EPHA3: variants seen among roughly 807,000 people sequenced by gnomAD.
The protein encoded by EPHA3 is ephrin type-A receptor 3.
A neutral mutation model predicts 107.1 loss-of-function variants in EPHA3; 42 were observed. The ratio of observed to expected loss-of-function variants is 0.39; its 90% CI spans 0.31 to 0.51. The LOEUF (loss-of-function observed/expected upper bound fraction) is 0.51. Ranked by LOEUF, EPHA3 falls within the 20% of genes least tolerant of loss-of-function variation. The probability of loss-of-function intolerance (pLI) is 0.78; values close to 1 mark genes in which losing one functional copy is unlikely to be tolerated. For synonymous variants in EPHA3, 461 were observed against 424.8 expected (o/e 1.09, Z -1.05); for missense variants, 1,183 against 1,211.2 (o/e 0.98, Z 0.35).
intron 15 of EPHA3, among the ~76,000 whole-genome samples, chr3:89,459,439 CTTTCTCTTTCT>C (rs1055754390): frequency 6.6e-6 from 1 of 151,544 alleles, no homozygotes; most frequent in Non-Finnish European, 1.5e-5. Flanking sequence ...TTCTTTCTTT[CTTTCTCTTTCT>C]TTCTTCCCTT....
intron 2 of EPHA3, among the ~76,000 whole-genome samples, chr3:89,132,705 C>T (rs1440838560): frequency 3.3e-5 from 5 of 152,100 alleles, no homozygotes; most frequent in Admixed American, 3.3e-4. Context: ...AACACCCCAT[C>T]TCCAATCAAT....
intron 11 of EPHA3, among the ~76,000 whole-genome samples, chr3:89,423,751 T>C (rs763027614): frequency 1.4e-4 from 21 of 151,548 alleles, no homozygotes; most frequent in Non-Finnish European, 2.2e-4. Context: ...TGTCCACTTA[T>C]GTCCCTTGGA....
intron 5 of EPHA3, among the ~76,000 whole-genome samples, chr3:89,349,446 T>A (rs1314659953): frequency 7.1e-6 from 1 of 140,470 alleles, no homozygotes; most frequent in Admixed American, 7.0e-5. Flanking sequence ...AACCCCTGCC[T>A]TTTTTTGTTT....
chr3:89,367,094 C>A (rs1708200584), intron 5 of EPHA3, among the ~76,000 whole-genome samples: 1 of 150,542 alleles, frequency 6.6e-6, no homozygotes, highest in Non-Finnish European at 1.5e-5. Context: ...TACAAAGTAC[C>A]TTAATCCAAG....
intron 5 of EPHA3, among the ~76,000 whole-genome samples, chr3:89,361,729 A>G (rs1440807795): frequency 6.6e-6 from 1 of 150,918 alleles, no homozygotes; most frequent in African/African-American, 2.4e-5. Context: ...ACTCTCCTCT[A>G]TGCCCATTCT....
At chr3:89,224,531 A>G (rs73146369) in intron 3 of EPHA3, among the ~76,000 whole-genome samples, 56 of 152,282 alleles carry the variant, frequency 3.7e-4, no homozygotes, top group Non-Finnish European at 7.1e-4. Flanking sequence ...AATTTCTATT[A>G]AAGGTAGAGA....
intron 3 of EPHA3, among the ~76,000 whole-genome samples, chr3:89,251,478 A>G (rs374056567): frequency 1.8e-4 from 28 of 152,214 alleles, no homozygotes; most frequent in Middle Eastern, 3.4e-3. Flanking sequence ...TTATGAAAGC[A>G]TAGTATGTGT....
At chr3:89,479,094 G>C (rs922633828) in intron 16 of EPHA3, among the ~76,000 whole-genome samples, 2 of 152,180 alleles carry the variant, frequency 1.3e-5, no homozygotes, top group African/African-American at 4.8e-5. Context: ...CCCTAATCCA[G>C]TAAGATATTT....
At chr3:89,183,881 GTC>G (rs1705500691) in intron 2 of EPHA3, among the ~76,000 whole-genome samples, 1 of 151,870 alleles carries the variant, frequency 6.6e-6, no homozygotes, top group African/African-American at 2.4e-5. Context: ...AATTGTAAAA[GTC>G]TGTGAGATTT....
intron 11 of EPHA3, among the ~76,000 whole-genome samples, chr3:89,427,816 A>G (rs1400157407): frequency 1.3e-5 from 2 of 151,982 alleles, no homozygotes; most frequent in Non-Finnish European, 2.9e-5. Context: ...TGATATAACA[A>G]ATGTCAAGTA....
In EPHA3 at chr3:89,341,102, A is replaced by G. The variant is rs756997753; in HGVS notation, c.970+31A>G. The G allele has an allele frequency of 5.0e-6, 8 of 1,597,166 alleles. No homozygotes were observed. The South Asian group carries it at 9.0e-5, about 18-fold the overall frequency. ...TAGTTTTGCTGCAACCCATGCCTCC[A>G]TGTTTGTTTTGTTTTCTTCTTGTTA... On this transcript the variant is annotated intron_variant, in intron 4 of 16. Transcript: ENST00000336596.
chr3:89,190,667 C>T (rs1166266590), intron 2 of EPHA3, among the ~76,000 whole-genome samples: 1 of 152,048 alleles, frequency 6.6e-6, no homozygotes, highest in East Asian at 1.9e-4. Flanking sequence ...ATTTGAAACC[C>T]CAAAATAATA....
intron 5 of EPHA3, among the ~76,000 whole-genome samples, chr3:89,361,567 CATAA>C (rs371789668): frequency 6.6e-6 from 1 of 151,088 alleles, no homozygotes; most frequent in Non-Finnish European, 1.5e-5. Flanking sequence ...ACATTCCTAC[CATAA>C]ATAAGGATTT....
chr3:89,117,870 C>A (rs183218585), intron 1 of EPHA3, among the ~76,000 whole-genome samples: 8 of 152,172 alleles, frequency 5.3e-5, no homozygotes, highest in African/African-American at 2.4e-5. Context: ...ACTGAGATTT[C>A]TTTCCCCCTT....
At chr3:89,468,989 C>G (rs185479284) in intron 15 of EPHA3, among the ~76,000 whole-genome samples, 78 of 151,948 alleles carry the variant, frequency 5.1e-4, no homozygotes, top group Non-Finnish European at 8.7e-4. Flanking sequence ...AAGAAGATAA[C>G]TTATGAAATG....
In EPHA3 at chr3:89,162,458, T is replaced by G. The variant is rs182553301; in HGVS notation, c.153+35185T>G. ...TCTTTGAGGATCTGATTTCTGCTCA[T>G]TTTCTAAAATGTTCCTTCACTCAGT... On this transcript the variant is annotated intron_variant, in intron 2 of 16. Transcript: ENST00000336596. Among the ~76,000 whole-genome samples the G allele has an allele frequency of 3.1e-3, 470 of 152,326 alleles. 1 individual carries two copies. Among genetic ancestry groups the G allele is most frequent in the Admixed American group, 5.8e-3 (88 of 15,294 alleles).
intron 2 of EPHA3, among the ~76,000 whole-genome samples, chr3:89,147,473 G>A (rs1704588184): frequency 6.6e-6 from 1 of 151,882 alleles, no homozygotes; most frequent in Admixed American, 6.6e-5. Flanking sequence ...GAAGAAAAAG[G>A]AAATTTGTGC....
intron 2 of EPHA3, among the ~76,000 whole-genome samples, chr3:89,186,972 C>A (rs937274254): frequency 1.8e-4 from 27 of 151,916 alleles, no homozygotes; most frequent in Non-Finnish European, 3.8e-4. Flanking sequence ...ATGATGACTG[C>A]TTTTATGTTT....
intron 5 of EPHA3, among the ~76,000 whole-genome samples, chr3:89,368,322 G>A (rs1429063107): frequency 6.6e-6 from 1 of 150,408 alleles, no homozygotes; most frequent in Non-Finnish European, 1.5e-5. Flanking sequence ...GAACTATAAG[G>A]TAGTATATTA....
Sources: gnomAD v4.1 joint callset for allele counts (sites outside exome capture counted in the v4.1 genomes callset) on GRCh38, gnomAD v4.1.1 for gene constraint, MANE v1.5 for transcripts, NCBI Gene and HGNC (gene_info 2026-07-23, HGNC 2026-07-21) for gene names.